The following ZNF845 variants were observed in gnomAD, a reference collection of about 807,000 sequenced individuals.
The protein encoded by ZNF845 is zinc finger protein 845.
A neutral mutation model predicts 76.1 loss-of-function variants in ZNF845; 59 were observed. That is an observed-to-expected ratio of 0.78 (90% CI 0.63 to 0.96). The LOEUF is 0.96. Among genes scored for constraint, ZNF845 ranks in the 40% least tolerant of loss-of-function variants. The pLI, the probability that ZNF845 is intolerant of heterozygous loss-of-function variation, is 0.00. For missense variants in ZNF845, 1,045 were observed against 1,172.8 expected, an observed-to-expected ratio of 0.89 and a Z score of 1.59; for synonymous variants, 361 against 386.9, an observed-to-expected ratio of 0.93 and a Z score of 0.78.
At chr19:53,336,178 TTCCATCCTGGGCGAGAGCGAGAC>T (rs1568732094) in intron 1 of ZNF845, among the ~76,000 whole-genome samples, 1 of 144,038 alleles carries the variant, frequency 6.9e-6, no homozygotes, top group African/African-American at 2.6e-5. Flanking sequence ...CGCCACTGCA[TTCCATCCTGGGCGAGAGCGAGAC>T]TCCATCTCAA....
At chr19:53,344,604 A>AT (rs371551119) in intron 2 of ZNF845, among the ~76,000 whole-genome samples, 9 of 126,908 alleles carry the variant, frequency 7.1e-5, no homozygotes, top group African/African-American at 2.1e-4. Context: ...ATTTTATTTT[A>AT]TTTATTTTAT....
rs764945452 is a variant in ZNF845, at chr19:53,353,121, T to C, written c.2446T>C (p.Ser816Pro). The C allele has an allele frequency of 1.3e-6, 2 of 1,598,534 alleles. No homozygotes were observed. The highest frequency in any genetic ancestry group is 1.7e-6 in the Non-Finnish European group (2 of 1,166,992). ...ATGTGGCAAGAACTTCCGTCACAATTCAGCCCTTGTAATTCATAAGGCAAT... is the reference window on the plus strand; with the variant it reads ...ATGTGGCAAGAACTTCCGTCACAATCCAGCCCTTGTAATTCATAAGGCAAT... The part of the protein sequence containing the change: ...NECGKNFRHN[S>P]ALVIHKAIHS... Residue 816 changes from serine to proline, a missense_variant, in exon 4 of 4, where the codon TCA becomes CCA. By Grantham distance (74) the Ser-to-Pro change is moderately conservative (BLOSUM62 -1). Coordinates refer to ENST00000458035, the MANE Select transcript of ZNF845 (RefSeq NM_138374.3).
At position 53,351,204 on chromosome 19, in the gene ZNF845, TC is replaced by T. The variant is rs1400490157; in HGVS notation, c.532del (p.Gln178LysfsTer20). ...SINSASLVST[S>X]QRISCRPKTH... ...CAACAGTGCTTCGTTGGTTTCAACA[TC>T]CCAAAGAATTTCTTGTAGGCCTAAA... On this transcript the variant is annotated frameshift_variant, in exon 4 of 4. Coordinates refer to ENST00000458035, the MANE Select transcript of ZNF845 (RefSeq NM_138374.3). LOFTEE classifies it high-confidence loss of function. The T allele has an allele frequency of 6.2e-7, 1 of 1,614,218 alleles. No individual in the cohort carries two copies. Among genetic ancestry groups the T allele is most frequent in the Admixed American group, 1.7e-5 (1 of 60,018 alleles).
chr19:53,334,427 A>G (rs2085198168), intron 1 of ZNF845, among the ~76,000 whole-genome samples: 1 of 152,204 alleles, frequency 6.6e-6, no homozygotes, highest in Admixed American at 6.5e-5. Context: ...GAGAAAGACC[A>G]TAACAGATGG....
intron 3 of ZNF845, among the ~76,000 whole-genome samples, chr19:53,347,053 T>C (rs1025330349): frequency 1.1e-4 from 17 of 151,818 alleles, no homozygotes; most frequent in African/African-American, 4.1e-4. Flanking sequence ...CTGGCTAATT[T>C]TGTATTTTTA....
At position 53,345,370 on chromosome 19, in the gene ZNF845, G is replaced by GT. The variant is rs1284895630; in HGVS notation, c.16-135dup. 13 of 1,538,808 alleles carry GT rather than the reference G, an allele frequency of 8.4e-6. No homozygotes were observed. The Admixed American group carries it at 1.6e-4, about 19-fold the overall frequency. On this transcript the variant is annotated intron_variant, in intron 2 of 3. Transcript: ENST00000458035. ...AACACAACTCAGAAGACAAAATGTG[G>GT]TGAAGAATCCCTTACTCGGATTTGT... is the stretch of plus-strand genomic sequence containing the variant.
intron 3 of ZNF845, among the ~76,000 whole-genome samples, chr19:53,350,081 C>G (rs2085322648): frequency 6.6e-6 from 1 of 152,124 alleles, no homozygotes; most frequent in African/African-American, 2.4e-5. Flanking sequence ...CACAACTTGC[C>G]TTTTCTGCAT....
Position 53,341,256 on chromosome 19 carries a change from G to T in ZNF845, c.-52G>T, listed in dbSNP as rs2085254460. 6.2e-7 allele frequency: 1 copy of T among 1,610,202 alleles called. No individual in the cohort carries two copies. Among genetic ancestry groups the T allele is most frequent in the Admixed American group, 1.7e-5 (1 of 59,984 alleles). On this transcript the variant is annotated 5_prime_UTR_variant, in exon 2 of 4. Coordinates refer to ENST00000458035, the MANE Select transcript of ZNF845 (RefSeq NM_138374.3). ...TCAGGATTGACTTCTAAAGACTCTT[G>T]GTACGTGAGGAAGAAACCCGGAAGA...
intron 1 of ZNF845, among the ~76,000 whole-genome samples, chr19:53,339,197 A>G (rs1336230125): frequency 6.6e-6 from 1 of 152,210 alleles, no homozygotes; most frequent in Non-Finnish European, 1.5e-5. Flanking sequence ...TTTGAGGGTT[A>G]TAGCCCTGGT....
rs1419817940 is a variant in ZNF845 at position 53,355,279 on chromosome 19, C to T, written c.*1691C>T. The T allele has an allele frequency of 6.6e-6, 1 of 151,824 alleles. No individual in the cohort carries two copies. Among genetic ancestry groups the T allele is most frequent in the Non-Finnish European group, 1.5e-5 (1 of 67,976 alleles). 9.4% of individuals were successfully genotyped at this position (151,824 alleles called of 1,614,324 possible). On this transcript the variant is annotated 3_prime_UTR_variant, in exon 4 of 4. Coordinates refer to ENST00000458035, the MANE Select transcript of ZNF845 (RefSeq NM_138374.3). ...AATTTTTTTTTTTGAGACAATGTCTCTCTCTGTCGCCAGGCTAGAGTGCCG... is the reference window on the plus strand; with the variant it reads ...AATTTTTTTTTTTGAGACAATGTCTTTCTCTGTCGCCAGGCTAGAGTGCCG...
chr19:53,352,425 T>G lies in ZNF845; in HGVS notation c.1750T>G (p.Cys584Gly), dbSNP rs1441714534. 1 of 1,613,802 alleles carries G rather than the reference T, an allele frequency of 6.2e-7. No homozygotes were observed. Among genetic ancestry groups the G allele is most frequent in the African/African-American group, 1.3e-5 (1 of 74,920 alleles). Residue 584 changes from cysteine to glycine, a missense_variant, in exon 4 of 4, where the codon TGT becomes GGT. Physicochemically the swap from Cys to Gly is radical, Grantham distance 159. Transcript: ENST00000458035. ...AGGGAAACTTTACAAATGTAATGAT[T>G]GTCACCAAGTCTTTAGTAATGCTAC... is the stretch of plus-strand genomic sequence containing the variant. ...GIGKLYKCND[C>G]HQVFSNATTI...
Position 53,353,947 on chromosome 19 carries a change from C to T in ZNF845, c.*359C>T. 1.5e-6 allele frequency: 1 copy of T among 657,852 alleles called. No homozygotes were observed. 40.8% of individuals were successfully genotyped at this position (657,852 alleles called of 1,614,324 possible). ...AGTGTAATAAATGTGGCAAATTTTT[C>T]AGACATTGTTCATACCTTGCAGTTC... On this transcript the variant is annotated 3_prime_UTR_variant, in exon 4 of 4. Transcript: ENST00000458035.
intron 2 of ZNF845, among the ~76,000 whole-genome samples, chr19:53,343,141 T>C (rs763265251): frequency 3.9e-5 from 6 of 152,076 alleles, no homozygotes; most frequent in Non-Finnish European, 8.8e-5. Context: ...TTTCTTCTAG[T>C]CCTCTCCTTC....
At position 53,352,445 on chromosome 19, in the gene ZNF845, T is replaced by C. The variant is rs1462118486; in HGVS notation, c.1770T>C (p.Asn590=). The C allele has an allele frequency of 6.2e-7, 1 of 1,613,856 alleles. No homozygotes were observed. ...ATGATTGTCACCAAGTCTTTAGTAA[T>C]GCTACAACCATTGCAAATCATTGGA... ...KCNDCHQVFS[N]ATTIANHWRI... The change falls in exon 4 of 4, where the codon AAT becomes AAC. Residue 590 remains asparagine, a synonymous_variant. Transcript: ENST00000458035.
chr19:53,356,676 T>C lies in ZNF845; in HGVS notation c.*3088T>C, dbSNP rs1334036469. 3.9e-5 allele frequency: 6 copies of C among 152,226 alleles called. No homozygotes were observed. Among genetic ancestry groups the C allele is most frequent in the East Asian group, 1.9e-4 (1 of 5,194 alleles). The allele number at this position is 152,226 out of a possible 1,614,324, so 9.4% of individuals were successfully genotyped here. A position where few individuals can be genotyped will look rare whatever the true frequency, so the allele number is the denominator to read the frequency against. ...CGGGCGTGGTGGCTCACGCCTGTAATCCCAGCACTTTGGGAGGCTAAGGTG... is the reference window on the plus strand; with the variant it reads ...CGGGCGTGGTGGCTCACGCCTGTAACCCCAGCACTTTGGGAGGCTAAGGTG... On this transcript the variant is annotated 3_prime_UTR_variant, in exon 4 of 4. Transcript: ENST00000458035.
Position 53,353,958 on chromosome 19 carries a change from C to A in ZNF845, c.*370C>A. ...TGTGGCAAATTTTTCAGACATTGTT[C>A]ATACCTTGCAGTTCATCGGTGAACT... is the stretch of plus-strand genomic sequence containing the variant. On this transcript the variant is annotated 3_prime_UTR_variant, in exon 4 of 4. Transcript: ENST00000458035. 6.8e-6 allele frequency: 4 copies of A among 592,020 alleles called. No homozygotes were observed. The highest frequency in any genetic ancestry group is 3.8e-5 in the South Asian group (2 of 52,834). The allele number at this position is 592,020 out of a possible 1,614,324, so 36.7% of individuals were successfully genotyped here. A position where few individuals can be genotyped will look rare whatever the true frequency, so the allele number is the denominator to read the frequency against.
chr19:53,345,722 A>T, intron 3 of ZNF845, 90 bp downstream of exon 3: 1 of 1,581,920 alleles, frequency 6.3e-7, no homozygotes, highest in Non-Finnish European at 8.6e-7. Context: ...TTGCTCTGTC[A>T]CCCAGGGTGG....
In ZNF845 at chr19:53,351,168, G is replaced by A; in HGVS notation, c.493G>A (p.Glu165Lys). The A allele has an allele frequency of 2.5e-6, 4 of 1,614,206 alleles. No homozygotes were observed. The highest frequency in any genetic ancestry group is 3.4e-6 in the Non-Finnish European group (4 of 1,180,038). Residue 165 changes from glutamate (E) to lysine (K), a missense_variant, in exon 4 of 4, where the codon GAG (glutamate) becomes AAG (lysine). By Grantham distance (56) the Glu-to-Lys change is moderately conservative (BLOSUM62 1). Transcript: ENST00000458035. ...QTEGKIGNQV[E>K]KSINSASLVS... ...CGAAGGGAAAATTGGTAATCAAGTT[G>A]AGAAGTCTATCAACAGTGCTTCGTT...
chr19:53,333,904 C>G (rs2085193622), intron 1 of ZNF845, 112 bp downstream of exon 1: 1 of 154,876 alleles, frequency 6.5e-6, no homozygotes, highest in Admixed American at 6.5e-5. Context: ...TGTTCCTTCA[C>G]CTAGAGCAAA....
Sources: gnomAD v4.1 joint callset for allele counts (sites outside exome capture counted in the v4.1 genomes callset) on GRCh38, gnomAD v4.1.1 for gene constraint, MANE v1.5 for transcripts, NCBI Gene and HGNC (gene_info 2026-07-23, HGNC 2026-07-21) for gene names.